Variants in PLXNC1 observed in about 807,000 individuals in gnomAD.
The protein encoded by PLXNC1 is plexin C1.
In PLXNC1, 75 loss-of-function variants were observed where a neutral mutation model predicts 178.2. The observed-to-expected ratio is 0.42, with a 90% CI of 0.35 to 0.51. PLXNC1 has a LOEUF of 0.51. Among genes scored for constraint, PLXNC1 ranks in the 20% least tolerant of loss-of-function variants. The pLI, the probability that PLXNC1 is intolerant of heterozygous loss-of-function variation, is 0.02. For synonymous variants in PLXNC1, 790 were observed against 779.9 expected, an observed-to-expected ratio of 1.01 and a Z score of -0.22; for missense variants, 1,503 against 1,984.4, an observed-to-expected ratio of 0.76 and a Z score of 4.61.
intron 4 of PLXNC1, among the ~76,000 whole-genome samples, chr12:94,207,967 G>A (rs1329980542): frequency 6.6e-6 from 1 of 151,860 alleles, no homozygotes; most frequent in Non-Finnish European, 1.5e-5. Context: ...TACACAAACC[G>A]GAGTGCCCAT....
At chr12:94,267,235 CAGGAA>C in intron 21 of PLXNC1, among the ~76,000 whole-genome samples, 1 of 152,184 alleles carries the variant, frequency 6.6e-6, no homozygotes, top group East Asian at 1.9e-4. Flanking sequence ...ACAGGAAAGA[CAGGAA>C]AGGAGAAGAT....
intron 4 of PLXNC1, among the ~76,000 whole-genome samples, chr12:94,202,395 G>C (rs986410844): frequency 6.6e-6 from 1 of 152,208 alleles, no homozygotes; most frequent in Non-Finnish European, 1.5e-5. Context: ...GGCCCTGAGG[G>C]TGCAAAGGTG....
At chr12:94,287,549 A>G (rs1027015990) in intron 23 of PLXNC1, among the ~76,000 whole-genome samples, 28 of 152,190 alleles carry the variant, frequency 1.8e-4, no homozygotes, top group African/African-American at 6.3e-4. Flanking sequence ...AATTTTCTCT[A>G]AAGATTACAC....
At chr12:94,289,446 G>A (rs1967054578) in intron 23 of PLXNC1, among the ~76,000 whole-genome samples, 1 of 152,156 alleles carries the variant, frequency 6.6e-6, no homozygotes, top group African/African-American at 2.4e-5. Flanking sequence ...TCTGCTCTGG[G>A]CTGGAGAAAC....
At chr12:94,282,523 C>A in intron 23 of PLXNC1, 122 bp downstream of exon 23, 1 of 675,940 alleles carries the variant, frequency 1.5e-6, no homozygotes, top group African/African-American at 1.8e-5. Context: ...TCGATCGTGT[C>A]TGGGGCTGAA....
intron 4 of PLXNC1, among the ~76,000 whole-genome samples, chr12:94,199,894 G>A (rs1381574999): frequency 6.6e-6 from 1 of 152,196 alleles, no homozygotes; most frequent in African/African-American, 2.4e-5. Flanking sequence ...AGGTCCAAAT[G>A]ATTCTTCTGC....
intron 23 of PLXNC1, among the ~76,000 whole-genome samples, chr12:94,283,620 C>A (rs1039199325): frequency 2.0e-5 from 3 of 152,182 alleles, no homozygotes; most frequent in Non-Finnish European, 4.4e-5. Flanking sequence ...TTAAGGACAA[C>A]TTGGTGGGTT....
In PLXNC1 at chr12:94,259,367, G is replaced by T. The variant is rs1207684973; in HGVS notation, c.3118G>T (p.Asp1040Tyr). 5 of 1,597,326 alleles carry T rather than the reference G, an allele frequency of 3.1e-6. No homozygotes were observed. The highest frequency in any genetic ancestry group is 4.3e-6 in the Non-Finnish European group (5 of 1,174,778). ...TGGCTTCACCCACATCTTCACTGAA[G>T]ATATGCATGTAAGTCTCTACGTTTT... The part of the protein sequence containing the change: ...SGGFTHIFTE[D>Y]MHNRDANDKN... Residue 1040 changes from aspartate to tyrosine, a missense_variant, in exon 18 of 31, where the codon GAT becomes TAT. Asp to Tyr is a radical substitution (Grantham distance 160). Coordinates refer to ENST00000258526, the MANE Select transcript of PLXNC1 (RefSeq NM_005761.3).
chr12:94,261,346 T>C (rs888963005), intron 20 of PLXNC1, among the ~76,000 whole-genome samples: 1 of 152,244 alleles, frequency 6.6e-6, no homozygotes, highest in African/African-American at 2.4e-5. Context: ...TTGTCACTAA[T>C]TGAACTTTAA....
chr12:94,172,070 C>T (rs1288390091), intron 2 of PLXNC1, among the ~76,000 whole-genome samples: 1 of 152,236 alleles, frequency 6.6e-6, no homozygotes, highest in Non-Finnish European at 1.5e-5. Context: ...TATTCAGAAG[C>T]TTTCAGCTTC....
At chr12:94,230,533 T>A (rs1964069942) in intron 9 of PLXNC1, among the ~76,000 whole-genome samples, 1 of 152,232 alleles carries the variant, frequency 6.6e-6, no homozygotes, top group Non-Finnish European at 1.5e-5. Flanking sequence ...GACATTTTGT[T>A]GATACTGACA....
At chr12:94,198,960 C>T (rs1330519545) in intron 4 of PLXNC1, among the ~76,000 whole-genome samples, 2 of 152,084 alleles carry the variant, frequency 1.3e-5, no homozygotes, top group Admixed American at 1.3e-4. Flanking sequence ...CACTCTTTAA[C>T]GCACAACATG....
intron 21 of PLXNC1, among the ~76,000 whole-genome samples, chr12:94,278,465 G>A (rs771787928): frequency 1.3e-5 from 2 of 152,148 alleles, no homozygotes; most frequent in East Asian, 1.9e-4. Flanking sequence ...GTTTTCACAC[G>A]TGCACAAAGG....
At chr12:94,250,149 G>A (rs1964641359) in intron 14 of PLXNC1, among the ~76,000 whole-genome samples, 1 of 152,140 alleles carries the variant, frequency 6.6e-6, no homozygotes, top group East Asian at 1.9e-4. Flanking sequence ...GAGCAGCAAG[G>A]AGGCCAGTGT....
Position 94,305,664 on chromosome 12 carries a change from T to C in PLXNC1, c.*379T>C, listed in dbSNP as rs1246621914. ...ACTTGTGCTACACTGCACCTCTGCA[T>C]TGTAAAGGGATACTGCCAGTGCTCA... On this transcript the variant is annotated 3_prime_UTR_variant, in exon 31 of 31. Transcript: ENST00000258526. 6.3e-6 allele frequency: 1 copy of C among 159,742 alleles called. No individual in the cohort carries two copies. The highest frequency in any genetic ancestry group is 2.4e-5 in the African/African-American group (1 of 41,742). 9.9% of individuals were successfully genotyped at this position (159,742 alleles called of 1,614,324 possible). A position where few individuals can be genotyped will look rare whatever the true frequency, so the allele number is the denominator to read the frequency against.
Position 94,150,013 on chromosome 12 carries a change from A to T in PLXNC1, c.1042A>T (p.Lys348Ter). 1 of 1,596,018 alleles carries T rather than the reference A, an allele frequency of 6.3e-7. No individual in the cohort carries two copies. The highest frequency in any genetic ancestry group is 8.5e-7 in the Non-Finnish European group (1 of 1,172,712). The change falls in exon 1 of 31, where the codon AAG (lysine) becomes TAG (stop). Residue 348 changes from lysine to a stop codon, truncating the protein, a stop_gained. Transcript: ENST00000258526. LOFTEE classifies it high-confidence loss of function. ...ARAKRVSWDF[K>*]TAESHCKEGD... Reference sequence around the variant, plus strand: ...CGCCAAGAGGGTCAGCTGGGACTTCAAGACGGCCGAGAGCCACTGCGTAAG... The same window carrying T: ...CGCCAAGAGGGTCAGCTGGGACTTCTAGACGGCCGAGAGCCACTGCGTAAG...
intron 1 of PLXNC1, among the ~76,000 whole-genome samples, chr12:94,164,128 G>T (rs1189639583): frequency 6.6e-6 from 1 of 152,060 alleles, no homozygotes; most frequent in Admixed American, 6.5e-5. Flanking sequence ...GCTCCTTCAG[G>T]GGTTTCCTAA....
intron 23 of PLXNC1, among the ~76,000 whole-genome samples, chr12:94,292,050 G>A (rs1018836117): frequency 6.6e-6 from 1 of 152,020 alleles, no homozygotes; most frequent in Non-Finnish European, 1.5e-5. Context: ...AGCATGTATC[G>A]GTAATTCTTT....
chr12:94,249,618 C>A (rs1405065226), intron 14 of PLXNC1, among the ~76,000 whole-genome samples: 1 of 152,028 alleles, frequency 6.6e-6, no homozygotes, highest in African/African-American at 2.4e-5. Context: ...GAAGCCAAAG[C>A]AGGAGGATCA....
Sources: allele counts gnomAD v4.1 joint callset (sites outside exome capture counted in the v4.1 genomes callset), GRCh38; gene constraint gnomAD v4.1.1; transcripts MANE v1.5; gene names NCBI Gene and HGNC (gene_info 2026-07-23, HGNC 2026-07-21).